Variants in ADAM10 observed in about 807,000 individuals in gnomAD.
The protein encoded by ADAM10 is disintegrin and metalloproteinase domain-containing protein 10.
ADAM10 carries 17 observed loss-of-function variants against 90.1 expected under a neutral mutation model. That is an observed-to-expected ratio of 0.19 (90% CI 0.13 to 0.28). The LOEUF is 0.28. ADAM10 is among the 10% of genes least tolerant of loss of function. The pLI, the probability that ADAM10 is intolerant of heterozygous loss-of-function variation, is 1.00. For synonymous variants in ADAM10, 310 were observed against 298.6 expected (o/e 1.04, Z -0.40); for missense variants, 610 against 914.3 (o/e 0.67, Z 4.29).
intron 2 of ADAM10, chr15:58,703,861 A>G (rs1420622421): frequency 6.5e-6 from 1 of 152,734 alleles, no homozygotes; most frequent in African/African-American, 2.4e-5. Flanking sequence ...AGCCTGCAGA[A>G]CCATGAGGCA....
intron 7 of ADAM10, among the ~76,000 whole-genome samples, chr15:58,641,786 A>G (rs532551004): frequency 2.6e-4 from 40 of 152,302 alleles, no homozygotes; most frequent in African/African-American, 9.1e-4. Context: ...GAATTACAAT[A>G]TGAAAGTAAA....
chr15:58,739,228 C>G (rs902742758), intron 1 of ADAM10, among the ~76,000 whole-genome samples: 1 of 151,870 alleles, frequency 6.6e-6, no homozygotes, highest in African/African-American at 2.4e-5. Flanking sequence ...AATTTTGGGC[C>G]GGGCGCGGTG....
At chr15:58,689,392 A>C (rs1343716758) in intron 2 of ADAM10, among the ~76,000 whole-genome samples, 1 of 152,156 alleles carries the variant, frequency 6.6e-6, no homozygotes, top group African/African-American at 2.4e-5. Flanking sequence ...AGGATGAGGC[A>C]GGAGAATTGC....
At chr15:58,633,901 T>TAA (rs541203863) in intron 8 of ADAM10, among the ~76,000 whole-genome samples, 38 of 118,214 alleles carry the variant, frequency 3.2e-4, no homozygotes, top group East Asian at 2.9e-3. Flanking sequence ...TCAAGAAGGT[T>TAA]AAAAAAAAAA....
At chr15:58,713,499 G>A (rs555045466) in intron 2 of ADAM10, among the ~76,000 whole-genome samples, 1 of 152,218 alleles carries the variant, frequency 6.6e-6, no homozygotes, top group East Asian at 1.9e-4. Flanking sequence ...AAGGAGTAGA[G>A]GACATATGCA....
rs1232930061 is a variant in ADAM10, at chr15:58,611,827, G to A, written c.1676C>T (p.Thr559Ile). ...GCTTACCCCATTAATGCACACTTGT[G>A]TATGCCTATTACAGTCTGTGAAGTT... ...KPNFTDCNRH[T>I]QVCINGQCAG... Residue 559 changes from threonine (T) to isoleucine (I), a missense_variant, in exon 12 of 16, where the codon ACA (threonine) becomes ATA (isoleucine). This residue lies in a region of ADAM10 where 150 missense variants were observed against 268.5 expected (regional missense o/e 0.56). Coordinates refer to ENST00000260408, the MANE Select transcript of ADAM10 (RefSeq NM_001110.4). 3.1e-6 allele frequency: 5 copies of A among 1,614,196 alleles called. No homozygotes were observed. Among genetic ancestry groups the A allele is most frequent in the Non-Finnish European group, 4.2e-6 (5 of 1,180,028 alleles).
At chr15:58,663,460 T>A (rs573354364) in intron 5 of ADAM10, among the ~76,000 whole-genome samples, 4 of 152,168 alleles carry the variant, frequency 2.6e-5, no homozygotes, top group Admixed American at 1.3e-4. Context: ...TCAATTATTA[T>A]AGCAAGTCTT....
At chr15:58,715,864 C>A (rs1898642316) in intron 2 of ADAM10, among the ~76,000 whole-genome samples, 1 of 152,084 alleles carries the variant, frequency 6.6e-6, no homozygotes, top group Non-Finnish European at 1.5e-5. Flanking sequence ...GATATTTAAG[C>A]CAAAAGCAGC....
At chr15:58,600,233 G>A (rs1228440406) in intron 14 of ADAM10, among the ~76,000 whole-genome samples, 2 of 152,014 alleles carry the variant, frequency 1.3e-5, no homozygotes, top group East Asian at 3.9e-4. Flanking sequence ...ACTACAAAAG[G>A]ATCTCCTCTT....
chr15:58,621,561 C>A lies in ADAM10; in HGVS notation c.1421G>T (p.Gly474Val). 1 of 1,614,088 alleles carries A rather than the reference C, an allele frequency of 6.2e-7. No individual in the cohort carries two copies. The highest frequency in any genetic ancestry group is 8.5e-7 in the Non-Finnish European group (1 of 1,180,010). ...TTCATCTTTACACTGGTCACTATAG[C>A]CACAATCACATTCTTCACCTTGTTC... ...MVEQGEECDC[G>V]YSDQCKDECC... Residue 474 changes from glycine (G) to valine (V), a missense_variant, in exon 11 of 16, where the codon GGC (glycine) becomes GTC (valine). Physicochemically the swap from Gly to Val is moderately radical, Grantham distance 109. This residue lies in a region of ADAM10 where 97 missense variants were observed against 221.4 expected (regional missense o/e 0.44). Coordinates refer to ENST00000260408, the MANE Select transcript of ADAM10 (RefSeq NM_001110.4).
chr15:58,688,771 T>TAC (rs1897684255), intron 2 of ADAM10, among the ~76,000 whole-genome samples: 1 of 123,656 alleles, frequency 8.1e-6, no homozygotes, highest in East Asian at 2.7e-4. Flanking sequence ...AAAAATTATA[T>TAC]ATATATATAT....
At chr15:58,674,993 C>G (rs1432279585) in intron 4 of ADAM10, among the ~76,000 whole-genome samples, 1 of 152,152 alleles carries the variant, frequency 6.6e-6, no homozygotes, top group Non-Finnish European at 1.5e-5. Flanking sequence ...ATCAAGAGAT[C>G]GAGACCATCC....
intron 1 of ADAM10, among the ~76,000 whole-genome samples, chr15:58,728,588 A>G (rs1175794632): frequency 1.3e-5 from 2 of 152,014 alleles, no homozygotes; most frequent in Non-Finnish European, 2.9e-5. Context: ...TTTTAAAAAA[A>G]AAGAAAAGAA....
intron 14 of ADAM10, among the ~76,000 whole-genome samples, chr15:58,605,057 A>G (rs1269173258): frequency 6.6e-6 from 1 of 152,238 alleles, no homozygotes; most frequent in African/African-American, 2.4e-5. Context: ...TTAAATAAAG[A>G]GCCATACGAG....
rs1894809250 is a variant in ADAM10, at chr15:58,590,829, G to A, written c.*6718C>T. The A allele has an allele frequency of 1.3e-5, 2 of 151,150 alleles. No homozygotes were observed. Among genetic ancestry groups the A allele is most frequent in the Admixed American group, 1.3e-4 (2 of 15,260 alleles). The allele number at this position is 151,150 out of a possible 1,614,324, so 9.4% of individuals were successfully genotyped here. On this transcript the variant is annotated 3_prime_UTR_variant, in exon 16 of 16. Transcript: ENST00000260408. ...CACATAGCCTTCATTTTTCCAAAAT[G>A]ATTTTTCTAAAATTCATGCAAATGG...
intron 2 of ADAM10, among the ~76,000 whole-genome samples, chr15:58,689,117 G>A (rs1897699024): frequency 6.6e-6 from 1 of 152,026 alleles, no homozygotes; most frequent in African/African-American, 2.4e-5. Context: ...CTGAAAATCA[G>A]CGTTAAAGAG....
intron 1 of ADAM10, among the ~76,000 whole-genome samples, chr15:58,739,951 A>T (rs1301371310): frequency 6.6e-6 from 1 of 152,260 alleles, no homozygotes; most frequent in African/African-American, 2.4e-5. Flanking sequence ...CAATGTATTT[A>T]ACAATTCTGT....
intron 1 of ADAM10, among the ~76,000 whole-genome samples, chr15:58,720,408 T>TA (rs1252633247): frequency 0.014 from 217 of 15,982 alleles, 2 homozygotes; most frequent in South Asian, 0.1. Context: ...TATTTTATTT[T>TA]TTTTTTTTTT....
intron 1 of ADAM10, among the ~76,000 whole-genome samples, chr15:58,730,334 C>G (rs1175470637): frequency 1.3e-5 from 2 of 152,232 alleles, no homozygotes; most frequent in Admixed American, 6.5e-5. Flanking sequence ...AAGGCCAGTT[C>G]CAGCTGGCCA....
Sources: allele counts gnomAD v4.1 joint callset (sites outside exome capture counted in the v4.1 genomes callset), GRCh38; gene constraint gnomAD v4.1.1; regional missense constraint gnomAD v4.1.1; transcripts MANE v1.5; gene names NCBI Gene and HGNC (gene_info 2026-07-23, HGNC 2026-07-21).